Variants in ZBTB20 observed in about 807,000 individuals in gnomAD.
ZBTB20 encodes zinc finger and BTB domain-containing protein 20.
Under a neutral mutation model 56.9 loss-of-function variants are expected in ZBTB20, and 9 were observed. The ratio of observed to expected loss-of-function variants is 0.16; its 90% CI spans 0.10 to 0.28. ZBTB20 has a LOEUF of 0.28. Ranked by LOEUF, ZBTB20 falls within the 10% of genes least tolerant of loss-of-function variation. The probability of loss-of-function intolerance (pLI) is 1.00; values close to 1 mark genes in which losing one functional copy is unlikely to be tolerated. For synonymous variants in ZBTB20, 417 were observed against 420.7 expected (o/e 0.99, Z 0.11); for missense variants, 655 against 1,003.0 (o/e 0.65, Z 4.69).
intron 2 of ZBTB20, among the ~76,000 whole-genome samples, chr3:115,007,349 A>G (rs1209611854): frequency 3.3e-5 from 5 of 151,726 alleles, no homozygotes; most frequent in Admixed American, 6.6e-5. Flanking sequence ...CTGAAATAAA[A>G]AAAAGAGAAA....
chr3:115,131,511 G>T (rs1269609606), intron 1 of ZBTB20, among the ~76,000 whole-genome samples: 2 of 152,042 alleles, frequency 1.3e-5, no homozygotes, highest in Non-Finnish European at 2.9e-5. Context: ...GCATTACCTT[G>T]TTAATGGGAT....
At chr3:115,062,393 T>G (rs2082043756) in intron 2 of ZBTB20, among the ~76,000 whole-genome samples, 1 of 152,190 alleles carries the variant, frequency 6.6e-6, no homozygotes, top group Admixed American at 6.5e-5. Flanking sequence ...TCTTCTCTCC[T>G]TCTTTTCCTC....
intron 2 of ZBTB20, among the ~76,000 whole-genome samples, chr3:115,032,958 T>TAAAAAAAAAAAAAAAAAAAA (rs77048136): frequency 1.8e-5 from 1 of 56,552 alleles, no homozygotes; most frequent in East Asian, 5.2e-4. Flanking sequence ...CCTAAGGAAC[T>TAAAAAAAAAAAAAAAAAAAA]AAAAAAAAAA....
At chr3:114,791,567 G>C (rs1262349369) in intron 5 of ZBTB20, 1 of 152,128 alleles carries the variant, frequency 6.6e-6, no homozygotes, top group African/African-American at 2.4e-5. Context: ...GAAGGGAAGA[G>C]AACACTGATG....
intron 4 of ZBTB20, among the ~76,000 whole-genome samples, chr3:114,882,205 T>C (rs1186965532): frequency 6.6e-6 from 1 of 151,998 alleles, no homozygotes; most frequent in African/African-American, 2.4e-5. Context: ...AATTTTAATA[T>C]GTTGTTTAAT....
At position 114,324,480 on chromosome 3, in the gene ZBTB20, C is replaced by T. The variant is rs1484491805; in HGVS notation, c.*14525G>A. On this transcript the variant is annotated 3_prime_UTR_variant, in exon 12 of 12. Coordinates refer to ENST00000675478, the MANE Select transcript of ZBTB20 (RefSeq NM_001348800.3). ...CTACATTGATCACTTTTTCCCTCAC[C>T]TCATTAGTCTCCTATTCTTTTTTTT... 1 of 152,002 alleles carries T rather than the reference C, an allele frequency of 6.6e-6. No homozygotes were observed. Among genetic ancestry groups the T allele is most frequent in the Non-Finnish European group, 1.5e-5 (1 of 67,968 alleles). The allele number at this position is 152,002 out of a possible 1,614,324, so 9.4% of individuals were successfully genotyped here. A position where few individuals can be genotyped will look rare whatever the true frequency, so the allele number is the denominator to read the frequency against.
intron 8 of ZBTB20, among the ~76,000 whole-genome samples, chr3:114,385,667 G>A (rs963105170): frequency 1.3e-5 from 2 of 152,118 alleles, no homozygotes; most frequent in African/African-American, 4.8e-5. Context: ...AAGTGATCGA[G>A]ACAATCCTGG....
At chr3:114,680,347 C>T (rs1331197301) in intron 6 of ZBTB20, among the ~76,000 whole-genome samples, 1 of 152,064 alleles carries the variant, frequency 6.6e-6, no homozygotes, top group Non-Finnish European at 1.5e-5. Flanking sequence ...AGTGCCTTGC[C>T]TATTCTTCTA....
chr3:114,881,738 A>T (rs553260042), intron 4 of ZBTB20, among the ~76,000 whole-genome samples: 1 of 151,862 alleles, frequency 6.6e-6, no homozygotes, highest in African/African-American at 2.4e-5. Flanking sequence ...CTGCCTTCCT[A>T]AAAAGTTCAT....
At chr3:115,059,491 G>A (rs1174752412) in intron 2 of ZBTB20, among the ~76,000 whole-genome samples, 3 of 152,216 alleles carry the variant, frequency 2.0e-5, no homozygotes, top group South Asian at 4.1e-4. Context: ...CTTCCAATCC[G>A]CGAAAGCTCC....
rs1277104367 is a variant in ZBTB20, at chr3:114,692,833, G to A, written c.-295+695C>T. On this transcript the variant is annotated intron_variant, in intron 6 of 11. Transcript: ENST00000675478. ...CAAACTTTACAAATTTTCACTACAA[G>A]ACACCTAGAAAAATCTTCAAGCCTA... Among the ~76,000 whole-genome samples the A allele has an allele frequency of 1.1e-4, 16 of 152,070 alleles. 1 individual carries two copies. Among genetic ancestry groups the A allele is most frequent in the Admixed American group, 1.0e-3 (16 of 15,252 alleles).
chr3:114,469,010 CAAA>C (rs1164804884), intron 7 of ZBTB20, among the ~76,000 whole-genome samples: 1,673 of 67,028 alleles, frequency 0.025, 8 homozygotes, highest in South Asian at 0.035. Flanking sequence ...TCAAGAGAAG[CAAA>C]AAAAAAAAAA....
intron 2 of ZBTB20, among the ~76,000 whole-genome samples, chr3:114,987,708 C>T (rs1352038502): frequency 1.3e-5 from 2 of 152,252 alleles, no homozygotes; most frequent in East Asian, 3.9e-4. Context: ...GTCACTTGCT[C>T]TGTACTCAGA....
chr3:114,602,481 TTC>T (rs2056833719), intron 6 of ZBTB20, among the ~76,000 whole-genome samples: 1 of 152,038 alleles, frequency 6.6e-6, no homozygotes, highest in Non-Finnish European at 1.5e-5. Flanking sequence ...TCCCAGCACC[TTC>T]TGTTATGCTC....
At chr3:114,388,677 G>A (rs1312994726) in intron 8 of ZBTB20, 5 of 152,416 alleles carry the variant, frequency 3.3e-5, no homozygotes, top group African/African-American at 1.2e-4. Flanking sequence ...GAAGGATGAT[G>A]AGAAGCAAAC....
At chr3:115,025,361 A>T (rs1427298425) in intron 2 of ZBTB20, among the ~76,000 whole-genome samples, 1 of 151,196 alleles carries the variant, frequency 6.6e-6, no homozygotes, top group Admixed American at 6.6e-5. Flanking sequence ...ATGGGCATTT[A>T]GGTTGAATCC....
intron 2 of ZBTB20, among the ~76,000 whole-genome samples, chr3:115,034,282 G>A (rs549488087): frequency 1.3e-5 from 2 of 151,596 alleles, no homozygotes; most frequent in South Asian, 4.1e-4. Flanking sequence ...AAAGAAATAA[G>A]TAAAATTATC....
chr3:115,102,236 A>G (rs2083605772), intron 1 of ZBTB20, among the ~76,000 whole-genome samples: 1 of 152,200 alleles, frequency 6.6e-6, no homozygotes, highest in African/African-American at 2.4e-5. Flanking sequence ...AAAAGGAGAC[A>G]GACACACACT....
intron 5 of ZBTB20, among the ~76,000 whole-genome samples, chr3:114,788,607 C>T (rs1196341195): frequency 1.3e-5 from 2 of 152,102 alleles, no homozygotes; most frequent in Non-Finnish European, 2.9e-5. Context: ...CTGTGCATTC[C>T]TTTTGACATT....
Sources: allele counts gnomAD v4.1 joint callset (sites outside exome capture counted in the v4.1 genomes callset), GRCh38; gene constraint gnomAD v4.1.1; transcripts MANE v1.5; gene names NCBI Gene and HGNC (gene_info 2026-07-23, HGNC 2026-07-21).